Variants in ARB2A observed in about 807,000 individuals in gnomAD.
ARB2A encodes ARB2 cotranscriptional regulator A.
chr5:93,950,628 G>A, the ARB2A span, among the ~76,000 whole-genome samples: 2 of 150,608 alleles, frequency 1.3e-5, no homozygotes, highest in East Asian at 3.9e-4. Flanking sequence ...GGGTGACAGA[G>A]CAAGACTCGG....
chr5:93,880,261 C>T, the ARB2A span, among the ~76,000 whole-genome samples: 5 of 151,776 alleles, frequency 3.3e-5, no homozygotes, highest in South Asian at 6.2e-4. Context: ...ATGCTGTTTT[C>T]ACCACTGCTT....
the ARB2A span, among the ~76,000 whole-genome samples, chr5:93,768,879 T>C: frequency 6.6e-6 from 1 of 152,034 alleles, no homozygotes; most frequent in Non-Finnish European, 1.5e-5. Flanking sequence ...CCACTATGCT[T>C]GGCCCTCCCT....
At chr5:94,037,073 T>G in the ARB2A span, among the ~76,000 whole-genome samples, 1 of 152,282 alleles carries the variant, frequency 6.6e-6, no homozygotes, top group East Asian at 1.9e-4. Context: ...TAAAATATAT[T>G]TCCATGTGTA....
chr5:93,946,732 T>C, the ARB2A span, among the ~76,000 whole-genome samples: 1 of 152,214 alleles, frequency 6.6e-6, no homozygotes, highest in African/African-American at 2.4e-5. Flanking sequence ...AACACTTATT[T>C]TGATACTATG....
the ARB2A span, among the ~76,000 whole-genome samples, chr5:94,093,555 C>A: frequency 6.6e-6 from 1 of 152,118 alleles, no homozygotes; most frequent in Non-Finnish European, 1.5e-5. Context: ...CTTCCTTACT[C>A]CAAATACAGT....
At chr5:93,983,451 T>C in the ARB2A span, among the ~76,000 whole-genome samples, 104 of 152,186 alleles carry the variant, frequency 6.8e-4, no homozygotes, top group African/African-American at 2.0e-3. Flanking sequence ...ATCAAAATAA[T>C]GGCAGCAATA....
chr5:93,985,419 C>T, the ARB2A span, among the ~76,000 whole-genome samples: 12 of 151,514 alleles, frequency 7.9e-5, 1 homozygote, highest in South Asian at 1.7e-3. Context: ...CCTCTTTCCA[C>T]GGTCTCCCCC....
At chr5:93,815,118 C>T in the ARB2A span, among the ~76,000 whole-genome samples, 2 of 152,198 alleles carry the variant, frequency 1.3e-5, no homozygotes, top group East Asian at 1.9e-4. Context: ...ATTGGGATTA[C>T]AGGCATGAGC....
the ARB2A span, among the ~76,000 whole-genome samples, chr5:94,109,095 T>C: frequency 1.3e-5 from 2 of 152,194 alleles, no homozygotes; most frequent in African/African-American, 2.4e-5. Context: ...ATAATTGTAT[T>C]TCACCTTAAA....
chr5:93,931,316 T>C, the ARB2A span, among the ~76,000 whole-genome samples: 1 of 151,952 alleles, frequency 6.6e-6, no homozygotes, highest in African/African-American at 2.4e-5. Context: ...AATACAAAAT[T>C]AGCCGAGCAT....
At chr5:93,902,319 G>T in the ARB2A span, among the ~76,000 whole-genome samples, 14 of 152,050 alleles carry the variant, frequency 9.2e-5, no homozygotes, top group Non-Finnish European at 2.1e-4. Flanking sequence ...CTAGTAACAG[G>T]TGTCTGCTTA....
the ARB2A span, among the ~76,000 whole-genome samples, chr5:93,716,896 C>G: frequency 6.6e-6 from 1 of 151,842 alleles, no homozygotes; most frequent in Non-Finnish European, 1.5e-5. Flanking sequence ...GAAGTTCTGC[C>G]TTATTCCATA....
the ARB2A span, among the ~76,000 whole-genome samples, chr5:93,917,496 T>C: frequency 6.6e-6 from 1 of 152,204 alleles, no homozygotes. Flanking sequence ...CTTCATTTAT[T>C]CAATCATCAA....
chr5:93,784,221 T>G, the ARB2A span: 2 of 575,866 alleles, frequency 3.5e-6, no homozygotes, highest in South Asian at 2.3e-5. Flanking sequence ...TCACATGGGT[T>G]TTCTATTATT....
chr5:93,751,076 G>T, the ARB2A span, among the ~76,000 whole-genome samples: 1 of 151,694 alleles, frequency 6.6e-6, no homozygotes, highest in African/African-American at 2.4e-5. Context: ...TTAACTTAGG[G>T]TCTCCTTAAA....
At chr5:94,028,483 C>T in the ARB2A span, among the ~76,000 whole-genome samples, 1 of 152,086 alleles carries the variant, frequency 6.6e-6, no homozygotes, top group African/African-American at 2.4e-5. Flanking sequence ...AAAAGTATTC[C>T]AAAGTCTAGT....
At chr5:93,845,060 C>A in the ARB2A span, among the ~76,000 whole-genome samples, 5 of 152,152 alleles carry the variant, frequency 3.3e-5, no homozygotes, top group Admixed American at 3.3e-4. Context: ...GATGATTTTG[C>A]CTTCCAGATG....
the ARB2A span, among the ~76,000 whole-genome samples, chr5:93,893,216 C>A: frequency 1.3e-5 from 2 of 152,128 alleles, no homozygotes; most frequent in African/African-American, 2.4e-5. Flanking sequence ...CAAAACACTG[C>A]ACAGCACGCC....
the ARB2A span, among the ~76,000 whole-genome samples, chr5:93,760,321 A>G: frequency 2.0e-5 from 3 of 152,222 alleles, no homozygotes; most frequent in Non-Finnish European, 4.4e-5. Flanking sequence ...AGTTGACCAC[A>G]TGGCCAAAAG....
Sources: allele counts gnomAD v4.1 joint callset (sites outside exome capture counted in the v4.1 genomes callset), GRCh38; gene constraint gnomAD v4.1.1; transcripts MANE v1.5; gene names NCBI Gene and HGNC (gene_info 2026-07-23, HGNC 2026-07-21).